Variants in BRINP3 observed in about 807,000 individuals in gnomAD.
BRINP3 encodes BMP/retinoic acid inducible neural specific 3.
BRINP3 carries 19 observed loss-of-function variants against 71.0 expected under a neutral mutation model. That is an observed-to-expected ratio of 0.27 (90% CI 0.19 to 0.39). The LOEUF (loss-of-function observed/expected upper bound fraction) is 0.39. Ranked by LOEUF, BRINP3 falls within the 10% of genes least tolerant of loss-of-function variation. BRINP3 has a pLI of 1.00. For missense variants in BRINP3, 959 were observed against 940.8 expected (o/e 1.02, Z -0.25); for synonymous variants, 380 against 337.7 (o/e 1.13, Z -1.37).
intron 6 of BRINP3, among the ~76,000 whole-genome samples, chr1:190,217,250 C>A (rs1185552896): frequency 6.6e-6 from 1 of 151,866 alleles, no homozygotes; most frequent in Non-Finnish European, 1.5e-5. Context: ...AGACCATCAA[C>A]TTACAAGAGC....
At chr1:190,379,367 T>A (rs1300051420) in intron 2 of BRINP3, among the ~76,000 whole-genome samples, 1 of 152,066 alleles carries the variant, frequency 6.6e-6, no homozygotes, top group African/African-American at 2.4e-5. Context: ...GAAGAAAAGG[T>A]ACAAACAATA....
rs145186115 is a variant in BRINP3, at chr1:190,428,199, C to T, written c.236+26456G>A. ...GATTGAACTAGAAGGTATGCTTTTC[C>T]TGAATAAAAAAACAAAAAACAAAAA... On this transcript the variant is annotated intron_variant, in intron 2 of 7. Coordinates refer to ENST00000367462, the MANE Select transcript of BRINP3 (RefSeq NM_199051.3). 1.5e-3 allele frequency among the ~76,000 whole-genome samples: 220 copies of T among 151,412 alleles called. 1 individual carries two copies. The highest frequency in any genetic ancestry group is 5.2e-3 in the African/African-American group (214 of 41,312).
At chr1:190,239,603 A>T (rs954150668) in intron 4 of BRINP3, among the ~76,000 whole-genome samples, 4 of 152,074 alleles carry the variant, frequency 2.6e-5, no homozygotes, top group Non-Finnish European at 5.9e-5. Context: ...TCAAATTTGA[A>T]CACTTTATGT....
intron 2 of BRINP3, among the ~76,000 whole-genome samples, chr1:190,413,082 CTG>C (rs1672795154): frequency 6.6e-6 from 1 of 152,068 alleles, no homozygotes; most frequent in Non-Finnish European, 1.5e-5. Flanking sequence ...CTTTTGGACA[CTG>C]TGTTTTGGCA....
At chr1:190,326,677 C>G (rs964175787) in intron 2 of BRINP3, among the ~76,000 whole-genome samples, 3 of 152,010 alleles carry the variant, frequency 2.0e-5, no homozygotes, top group African/African-American at 7.2e-5. Context: ...AAAATCCAAT[C>G]AAGAATTTCA....
chr1:190,234,541 G>C (rs1455760055), intron 4 of BRINP3, 64 bp from the exon 5 acceptor site: 2 of 1,233,136 alleles, frequency 1.6e-6, no homozygotes, highest in Non-Finnish European at 2.4e-6. Context: ...TTGGTTCACT[G>C]TAGTTGTCAC....
Position 190,169,226 on chromosome 1 carries a change from T to C in BRINP3, c.962-8336A>G, listed in dbSNP as rs117810995. 1.3e-3 allele frequency among the ~76,000 whole-genome samples: 204 copies of C among 152,260 alleles called. 3 individuals carry two copies. Among genetic ancestry groups the C allele is most frequent in the Admixed American group, 0.011 (161 of 15,288 alleles). On this transcript the variant is annotated intron_variant, in intron 6 of 7. Transcript: ENST00000367462. ...ATTCTGTGCACATTTGGATATCCTC[T>C]TCAAAATGAAGAACAAGTAACTGCT...
intron 2 of BRINP3, among the ~76,000 whole-genome samples, chr1:190,348,134 A>T (rs1219617578): frequency 6.6e-6 from 1 of 152,182 alleles, no homozygotes; most frequent in African/African-American, 2.4e-5. Context: ...TGTTCAACAG[A>T]TAAAACAGAA....
At chr1:190,387,767 G>A (rs1318819031) in intron 2 of BRINP3, among the ~76,000 whole-genome samples, 1 of 151,734 alleles carries the variant, frequency 6.6e-6, no homozygotes, top group Non-Finnish European at 1.5e-5. Context: ...TAACTTTCTT[G>A]ATGACCTCCT....
intron 3 of BRINP3, among the ~76,000 whole-genome samples, chr1:190,266,919 C>G (rs1571572855): frequency 6.6e-6 from 1 of 152,124 alleles, no homozygotes; most frequent in South Asian, 2.1e-4. Context: ...AGCTAAGAAT[C>G]TTGATATTAG....
intron 7 of BRINP3, among the ~76,000 whole-genome samples, chr1:190,142,110 C>T (rs1655506266): frequency 6.6e-6 from 1 of 152,030 alleles, no homozygotes; most frequent in Non-Finnish European, 1.5e-5. Flanking sequence ...AACCTTTCTA[C>T]CTATAGAAGA....
At chr1:190,218,389 C>T (rs947192592) in intron 6 of BRINP3, among the ~76,000 whole-genome samples, 2 of 151,872 alleles carry the variant, frequency 1.3e-5, no homozygotes, top group African/African-American at 2.4e-5. Context: ...TTATACAATT[C>T]CATTGTGTAA....
chr1:190,238,662 T>A (rs1187088207), intron 4 of BRINP3, among the ~76,000 whole-genome samples: 2 of 151,092 alleles, frequency 1.3e-5, no homozygotes, highest in African/African-American at 2.4e-5. Flanking sequence ...GTGGAGAAAC[T>A]GGAATTCTCA....
intron 2 of BRINP3, among the ~76,000 whole-genome samples, chr1:190,299,314 A>C (rs1022266327): frequency 2.0e-5 from 3 of 151,968 alleles, no homozygotes; most frequent in African/African-American, 7.2e-5. Flanking sequence ...GTAATGATTA[A>C]CATTATAAAA....
At chr1:190,126,416 G>A (rs1289045297) in intron 7 of BRINP3, among the ~76,000 whole-genome samples, 4 of 151,804 alleles carry the variant, frequency 2.6e-5, no homozygotes, top group African/African-American at 7.3e-5. Flanking sequence ...TGCTTTGACT[G>A]TCTTTCCTCT....
At chr1:190,100,778 T>C (rs543474592) in intron 7 of BRINP3, among the ~76,000 whole-genome samples, 73 of 152,322 alleles carry the variant, frequency 4.8e-4, no homozygotes, top group Non-Finnish European at 9.3e-4. Flanking sequence ...ATTTTCCTTT[T>C]AATTATTTCT....
At chr1:190,165,472 G>T (rs1215259451) in intron 6 of BRINP3, among the ~76,000 whole-genome samples, 1,854 of 79,428 alleles carry the variant, frequency 0.023, 31 homozygotes, top group African/African-American at 0.07. Context: ...GTGTGTGTGT[G>T]TGTGTGTGTG....
intron 2 of BRINP3, among the ~76,000 whole-genome samples, chr1:190,422,951 A>G (rs1673477632): frequency 6.6e-6 from 1 of 151,768 alleles, no homozygotes; most frequent in African/African-American, 2.4e-5. Flanking sequence ...TATTTTTAAG[A>G]ATCCTTGAAA....
intron 2 of BRINP3, among the ~76,000 whole-genome samples, chr1:190,378,299 A>C (rs1670309812): frequency 6.6e-6 from 1 of 152,216 alleles, no homozygotes; most frequent in Non-Finnish European, 1.5e-5. Context: ...GCTGTAGGAA[A>C]AAATGTTTCT....
Sources: allele counts gnomAD v4.1 joint callset (sites outside exome capture counted in the v4.1 genomes callset), GRCh38; gene constraint gnomAD v4.1.1; transcripts MANE v1.5; gene names NCBI Gene and HGNC (gene_info 2026-07-23, HGNC 2026-07-21).